Variants in PDE8B observed in about 807,000 individuals in gnomAD.
PDE8B encodes the protein high affinity cAMP-specific and IBMX-insensitive 3',5'-cyclic phosphodiesterase 8B.
Under a neutral mutation model 101.3 loss-of-function variants are expected in PDE8B, and 26 were observed. The observed-to-expected ratio is 0.26, with a 90% confidence interval of 0.19 to 0.36. The LOEUF (loss-of-function observed/expected upper bound fraction) is 0.36. PDE8B is among the 10% of genes least tolerant of loss of function. The probability of loss-of-function intolerance (pLI) is 1.00; values close to 1 mark genes in which losing one functional copy is unlikely to be tolerated. For synonymous variants in PDE8B, 424 were observed against 429.3 expected (o/e 0.99, Z 0.15); for missense variants, 810 against 1,163.1 (o/e 0.70, Z 4.42).
At chr5:77,243,344 C>A (rs1437411424) in intron 1 of PDE8B, among the ~76,000 whole-genome samples, 3 of 152,004 alleles carry the variant, frequency 2.0e-5, no homozygotes, top group Admixed American at 6.6e-5. Context: ...AAAAAACACC[C>A]CAGCTTTATT....
At chr5:77,405,452 A>C (rs547974908) in intron 12 of PDE8B, among the ~76,000 whole-genome samples, 6 of 152,308 alleles carry the variant, frequency 3.9e-5, no homozygotes, top group African/African-American at 1.4e-4. Context: ...GATGAATCTT[A>C]TTTTAATGGA....
chr5:77,234,071 C>A (rs971259409), intron 1 of PDE8B, among the ~76,000 whole-genome samples: 2 of 152,114 alleles, frequency 1.3e-5, no homozygotes, highest in Admixed American at 6.5e-5. Flanking sequence ...CTGTCCAGAG[C>A]AGTTTCAGAC....
intron 1 of PDE8B, among the ~76,000 whole-genome samples, chr5:77,246,328 A>G (rs1233909457): frequency 2.0e-5 from 3 of 152,180 alleles, no homozygotes; most frequent in Non-Finnish European, 4.4e-5. Flanking sequence ...GTCCCAGGAC[A>G]GTTAGGTTGT....
At chr5:77,274,858 C>T (rs888201717) in intron 1 of PDE8B, among the ~76,000 whole-genome samples, 1 of 151,986 alleles carries the variant, frequency 6.6e-6, no homozygotes, top group African/African-American at 2.4e-5. Context: ...TGCAAATTGT[C>T]ATAAAAGTTT....
chr5:77,260,564 T>A (rs1036684274), intron 1 of PDE8B, among the ~76,000 whole-genome samples: 1 of 151,438 alleles, frequency 6.6e-6, no homozygotes, highest in East Asian at 1.9e-4. Flanking sequence ...ATTTTACTGA[T>A]AATTTTCACT....
chr5:77,341,004 A>G (rs1317715475), intron 6 of PDE8B, among the ~76,000 whole-genome samples: 1 of 152,088 alleles, frequency 6.6e-6, no homozygotes, highest in Non-Finnish European at 1.5e-5. Flanking sequence ...TAGTTTTCCA[A>G]CTTTTTAACC....
chr5:77,336,641 G>A (rs192353751), intron 5 of PDE8B, among the ~76,000 whole-genome samples: 12 of 152,268 alleles, frequency 7.9e-5, no homozygotes, highest in East Asian at 7.7e-4. Context: ...GGACATTTGG[G>A]CTGTTTCTGC....
intron 1 of PDE8B, among the ~76,000 whole-genome samples, chr5:77,295,271 G>A (rs1768269861): frequency 6.6e-6 from 1 of 152,176 alleles, no homozygotes; most frequent in Non-Finnish European, 1.5e-5. Context: ...GAACATGCCA[G>A]ACCTCGGGGA....
At chr5:77,129,603 C>T in the PDE8B span, among the ~76,000 whole-genome samples, 2 of 152,160 alleles carry the variant, frequency 1.3e-5, no homozygotes, top group African/African-American at 2.4e-5. Context: ...CTGTGCCCAC[C>T]GGAGGGAGCA....
chr5:77,351,244 A>G, intron 9 of PDE8B, 91 bp downstream of exon 9: 1 of 935,858 alleles, frequency 1.1e-6, no homozygotes, highest in Non-Finnish European at 1.7e-6. Context: ...TGAGCCTTAC[A>G]TCCACAAATG....
rs555956647 is a variant in PDE8B at position 77,277,322 on chromosome 5, C to T, written c.340-34672C>T. On this transcript the variant is annotated intron_variant, in intron 1 of 21. Coordinates refer to ENST00000264917, the MANE Select transcript of PDE8B (RefSeq NM_003719.5). ...TTTAGCAAAGGATTTTAGGAAACAC[C>T]TATTATCTATGACTGGGGTTGTCAG... is the stretch of plus-strand genomic sequence containing the variant. Among the ~76,000 whole-genome samples, 169 of 152,246 alleles carry T rather than the reference C, an allele frequency of 1.1e-3. 1 individual carries two copies. Among genetic ancestry groups the T allele is most frequent in the African/African-American group, 3.9e-3 (164 of 41,542 alleles).
chr5:77,132,818 G>C, the PDE8B span, among the ~76,000 whole-genome samples: 1 of 152,142 alleles, frequency 6.6e-6, no homozygotes, highest in African/African-American at 2.4e-5. Context: ...AAGGTCTATG[G>C]GAGGTACATT....
At chr5:77,282,686 C>A (rs962378922) in intron 1 of PDE8B, among the ~76,000 whole-genome samples, 3 of 151,920 alleles carry the variant, frequency 2.0e-5, no homozygotes, top group African/African-American at 7.3e-5. Context: ...ATTCTTAGGC[C>A]GTGAGTCCTC....
intron 3 of PDE8B, 107 bp downstream of exon 3, chr5:77,325,836 T>A: frequency 1.2e-6 from 1 of 826,720 alleles, no homozygotes; most frequent in Non-Finnish European, 2.0e-6. Context: ...AAAATATGCG[T>A]TGATGTTTTT....
the PDE8B span, chr5:77,180,509 C>T: frequency 1.0e-6 from 1 of 984,780 alleles, no homozygotes; most frequent in Non-Finnish European, 1.2e-6. Flanking sequence ...CGCGGGGGAC[C>T]GCGCAGCCCT....
intron 1 of PDE8B, among the ~76,000 whole-genome samples, chr5:77,261,108 A>C (rs1156628400): frequency 6.6e-6 from 1 of 152,248 alleles, no homozygotes; most frequent in East Asian, 1.9e-4. Flanking sequence ...CTGGAAATAA[A>C]AATGGTCTGG....
intron 10 of PDE8B, among the ~76,000 whole-genome samples, chr5:77,385,903 C>T (rs537014562): frequency 6.6e-6 from 1 of 151,052 alleles, no homozygotes; most frequent in Non-Finnish European, 1.5e-5. Flanking sequence ...ATTCTCCTGC[C>T]TCAGCCTCCT....
In PDE8B at chr5:77,244,004, A is replaced by T. The variant is rs565135154; in HGVS notation, c.339+32740A>T. Among the ~76,000 whole-genome samples the T allele has an allele frequency of 2.6e-5, 4 of 151,946 alleles. No individual in the cohort carries two copies. The East Asian group carries it at 7.8e-4, about 29-fold the overall frequency. On this transcript the variant is annotated intron_variant, in intron 1 of 21. Transcript: ENST00000264917. Reference sequence around the variant, plus strand: ...ATTAAATGGTTAATGTTTGGTCTGAACTTAAGAGCAGGAAGCAGGGTATGT... The same window carrying T: ...ATTAAATGGTTAATGTTTGGTCTGATCTTAAGAGCAGGAAGCAGGGTATGT...
intron 1 of PDE8B, among the ~76,000 whole-genome samples, chr5:77,304,144 A>C (rs1256413625): frequency 6.6e-6 from 1 of 152,172 alleles, no homozygotes; most frequent in Non-Finnish European, 1.5e-5. Flanking sequence ...TTACATGCCC[A>C]CCAACAATGT....
Sources: allele counts gnomAD v4.1 joint callset (sites outside exome capture counted in the v4.1 genomes callset), GRCh38; gene constraint gnomAD v4.1.1; transcripts MANE v1.5; gene names NCBI Gene and HGNC (gene_info 2026-07-23, HGNC 2026-07-21).